Variants in TUBGCP3 observed in about 807,000 individuals in gnomAD.
The protein encoded by TUBGCP3 is gamma-tubulin complex component 3.
In TUBGCP3, 50 loss-of-function variants were observed where a neutral mutation model predicts 123.1. The ratio of observed to expected loss-of-function variants is 0.41; its 90% confidence interval spans 0.32 to 0.51. The LOEUF (loss-of-function observed/expected upper bound fraction) is 0.51. Ranked by LOEUF, TUBGCP3 falls within the 20% of genes least tolerant of loss-of-function variation. The pLI, the probability that TUBGCP3 is intolerant of heterozygous loss-of-function variation, is 0.36. For synonymous variants in TUBGCP3, 405 were observed against 413.9 expected, an observed-to-expected ratio of 0.98 and a Z score of 0.26; for missense variants, 882 against 1,127.0, an observed-to-expected ratio of 0.78 and a Z score of 3.11.
At chr13:112,543,507 G>A (rs1878703599) in intron 11 of TUBGCP3, among the ~76,000 whole-genome samples, 1 of 152,094 alleles carries the variant, frequency 6.6e-6, no homozygotes, top group African/African-American at 2.4e-5. Flanking sequence ...GTATAAATGT[G>A]CAAAAACAGA....
rs978702935 is a variant in TUBGCP3 at position 112,508,472 on chromosome 13, A to G, written c.2087-3758T>C. 6.6e-6 allele frequency among the ~76,000 whole-genome samples: 1 copy of G among 152,184 alleles called. No individual in the cohort carries two copies. The highest frequency in any genetic ancestry group is 1.5e-5 in the Non-Finnish European group (1 of 68,018). On this transcript the variant is annotated intron_variant, in intron 17 of 21. Transcript: ENST00000261965. This position sits in a 1 kb window ranked among gnomAD's most constrained non-coding sequence, Gnocchi z 4.2. ...AAAGGTATCGTGCACCACGACAGAC[A>G]GGTCTACAGCCCCCACCCCAACCCC...
chr13:112,590,353 A>G (rs1354371303), upstream of TUBGCP3, among the ~76,000 whole-genome samples: 1 of 152,158 alleles, frequency 6.6e-6, no homozygotes, highest in Non-Finnish European at 1.5e-5. Flanking sequence ...TGAGGAGAAC[A>G]ATGTTGTCGG....
At chr13:112,529,785 T>G (rs557457908) in intron 11 of TUBGCP3, among the ~76,000 whole-genome samples, 29 of 152,338 alleles carry the variant, frequency 1.9e-4, no homozygotes, top group African/African-American at 5.5e-4. Context: ...AGCACTGCCC[T>G]GTGATGCATG....
rs946228188 is a variant in TUBGCP3 at position 112,565,233 on chromosome 13, T to A, written c.185-55A>T. 5.5e-6 allele frequency: 8 copies of A among 1,466,722 alleles called. No individual in the cohort carries two copies. In the South Asian group the frequency reaches 9.1e-5, roughly 17 times the overall value. The allele number at this position is 1,466,722 out of a possible 1,614,324, so 90.9% of individuals were successfully genotyped here. ...TAACTACAAACACCAAAATTCATTC[T>A]TATGATACTATTTCACCTACAACAC... is the stretch of plus-strand genomic sequence containing the variant. On this transcript the variant is annotated intron_variant, in intron 2 of 21. Coordinates refer to ENST00000261965, the MANE Select transcript of TUBGCP3 (RefSeq NM_006322.6).
At position 112,548,136 on chromosome 13, in the gene TUBGCP3, T is replaced by C. The variant is rs776245815; in HGVS notation, c.1007A>G (p.Tyr336Cys). The C allele has an allele frequency of 1.2e-6, 2 of 1,604,984 alleles. No homozygotes were observed. The highest frequency in any genetic ancestry group is 8.5e-7 in the Non-Finnish European group (1 of 1,174,796). The change falls in exon 9 of 22, where the codon TAT becomes TGT. Residue 336 changes from tyrosine (Y) to cysteine (C), a missense_variant. Tyr to Cys is a radical substitution (Grantham distance 194, BLOSUM62 -2). Coordinates refer to ENST00000261965, the MANE Select transcript of TUBGCP3 (RefSeq NM_006322.6). The part of the protein sequence containing the change: ...AALHQELREY[Y>C]RLLSVLHSQL... ...AGAATGTAAAACAGAGAGCAATCGA[T>C]AGTATTCTCTGAGTTCCTGGTGCAA...
chr13:112,540,049 G>A (rs990573111), intron 11 of TUBGCP3, among the ~76,000 whole-genome samples: 144 of 150,350 alleles, frequency 9.6e-4, no homozygotes, highest in African/African-American at 2.9e-3. Context: ...CATTCAGGTG[G>A]TCTTGGGAAA....
chr13:112,549,862 T>C (rs891813696), intron 8 of TUBGCP3, among the ~76,000 whole-genome samples: 10 of 151,462 alleles, frequency 6.6e-5, no homozygotes, highest in African/African-American at 1.2e-4. Context: ...TGTTGGCGGG[T>C]GCCTGTGGTC....
chr13:112,503,007 T>A (rs1881034759), intron 19 of TUBGCP3, among the ~76,000 whole-genome samples: 2 of 152,250 alleles, frequency 1.3e-5, no homozygotes, highest in African/African-American at 4.8e-5. Flanking sequence ...ATGAAATTCA[T>A]GGCTGGCTAA....
At chr13:112,490,891 G>GT (rs1341762036) in intron 20 of TUBGCP3, among the ~76,000 whole-genome samples, 1 of 152,182 alleles carries the variant, frequency 6.6e-6, no homozygotes, top group Non-Finnish European at 1.5e-5. Context: ...TTCTTCTTTA[G>GT]TATTTGCTCT....
chr13:112,551,664 A>C (rs910285096), intron 8 of TUBGCP3, among the ~76,000 whole-genome samples: 4 of 152,214 alleles, frequency 2.6e-5, no homozygotes. Context: ...AACTTGGTCA[A>C]ATCAATCAAA....
chr13:112,563,831 C>T (rs144156582), intron 3 of TUBGCP3, among the ~76,000 whole-genome samples: 57 of 151,506 alleles, frequency 3.8e-4, no homozygotes, highest in African/African-American at 1.3e-3. Flanking sequence ...GCCCAGATTG[C>T]GCCACTGCAC....
At chr13:112,556,740 C>T (rs577621751) in intron 5 of TUBGCP3, among the ~76,000 whole-genome samples, 2 of 152,318 alleles carry the variant, frequency 1.3e-5, no homozygotes, top group East Asian at 3.9e-4. Context: ...TTTCAATTAA[C>T]TGCTAAAGTA....
At chr13:112,554,532 A>G (rs976664946) in intron 7 of TUBGCP3, among the ~76,000 whole-genome samples, 1 of 152,198 alleles carries the variant, frequency 6.6e-6, no homozygotes, top group Non-Finnish European at 1.5e-5. Flanking sequence ...AAAAGGAAAC[A>G]AAAGTGGGTG....
At chr13:112,536,928 C>T (rs1426112942) in intron 11 of TUBGCP3, among the ~76,000 whole-genome samples, 1 of 152,022 alleles carries the variant, frequency 6.6e-6, no homozygotes, top group Non-Finnish European at 1.5e-5. Context: ...TGCACCACTA[C>T]ACCTGGCTCA....
At chr13:112,539,738 G>T (rs1167785383) in intron 11 of TUBGCP3, among the ~76,000 whole-genome samples, 2 of 152,242 alleles carry the variant, frequency 1.3e-5, no homozygotes, top group South Asian at 2.1e-4. Context: ...GCATTTGGGT[G>T]GTCTTGGGAA....
chr13:112,572,292 G>A (rs185014573), intron 1 of TUBGCP3, among the ~76,000 whole-genome samples: 84 of 152,254 alleles, frequency 5.5e-4, no homozygotes, highest in Non-Finnish European at 1.0e-3. Context: ...AACAAAAAGC[G>A]GGATACATGT....
chr13:112,526,278 TCACCATCAACATCATCAA>T (rs1877076708), intron 13 of TUBGCP3, among the ~76,000 whole-genome samples: 1 of 145,232 alleles, frequency 6.9e-6, no homozygotes, highest in Non-Finnish European at 1.5e-5. Context: ...ACCACCATCA[TCACCATCAACATCATCAA>T]CACCATCACT....
At chr13:112,572,554 T>A (rs186166395) in intron 1 of TUBGCP3, among the ~76,000 whole-genome samples, 1 of 152,166 alleles carries the variant, frequency 6.6e-6, no homozygotes, top group East Asian at 1.9e-4. Flanking sequence ...ACTTAAACAG[T>A]AAGAGGTCAC....
intron 21 of TUBGCP3, among the ~76,000 whole-genome samples, chr13:112,487,730 T>A (rs1879774975): frequency 6.6e-6 from 1 of 152,196 alleles, no homozygotes; most frequent in Non-Finnish European, 1.5e-5. Context: ...CACTACCCCC[T>A]TTTATGAAAC....
Sources: allele counts gnomAD v4.1 joint callset (sites outside exome capture counted in the v4.1 genomes callset), GRCh38; gene constraint gnomAD v4.1.1; non-coding constraint Gnocchi (gnomAD v3.1); transcripts MANE v1.5; gene names NCBI Gene and HGNC (gene_info 2026-07-23, HGNC 2026-07-21).